MYO16: variants seen among roughly 807,000 people sequenced by gnomAD.
MYO16 encodes the protein myosin XVI, also known as unconventional myosin-XVI.
MYO16 carries 94 observed loss-of-function variants against 205.3 expected under a neutral mutation model. That is an observed-to-expected ratio of 0.46 (90% CI 0.39 to 0.54). The LOEUF is 0.54. Ranked by LOEUF, MYO16 falls within the 20% of genes least tolerant of loss-of-function variation. MYO16 has a pLI of 0.00. For missense variants in MYO16, 2,315 were observed against 2,387.5 expected, an observed-to-expected ratio of 0.97 and a Z score of 0.63; for synonymous variants, 988 against 954.0, an observed-to-expected ratio of 1.04 and a Z score of -0.66.
intron 28 of MYO16, among the ~76,000 whole-genome samples, chr13:109,103,459 CT>C (rs1303007928): frequency 1.3e-5 from 2 of 152,182 alleles, no homozygotes; most frequent in Admixed American, 6.5e-5. Flanking sequence ...AATGGTTACT[CT>C]TTTCCATATT....
chr13:108,551,938 C>T, the MYO16 span, among the ~76,000 whole-genome samples: 4 of 152,280 alleles, frequency 2.6e-5, no homozygotes, highest in South Asian at 4.1e-4. Flanking sequence ...GAATGAGTCA[C>T]TCTATCCACT....
At chr13:109,035,295 A>G (rs1271138841) in intron 23 of MYO16, among the ~76,000 whole-genome samples, 2 of 152,132 alleles carry the variant, frequency 1.3e-5, no homozygotes, top group Non-Finnish European at 2.9e-5. Context: ...GAGTATACTT[A>G]TAGTCCAATC....
Position 108,629,764 on chromosome 13 carries a change from G to A in MYO16, c.-81G>A. The A allele has an allele frequency of 7.5e-7, 1 of 1,334,222 alleles. No homozygotes were observed. The highest frequency in any genetic ancestry group is 1.0e-6 in the Non-Finnish European group (1 of 968,188). The allele number at this position is 1,334,222 out of a possible 1,614,324, so 82.6% of individuals were successfully genotyped here. On this transcript the variant is annotated 5_prime_UTR_variant, in exon 1 of 35. Coordinates refer to ENST00000457511, the MANE Select transcript of MYO16 (RefSeq NM_001198950.3). ...ACTGTTACCTGAGTAAGGGCTTTAA[G>A]TAATGCATTTCCTGGGAACGACAGT...
At chr13:108,922,646 G>A (rs4773010) in intron 16 of MYO16, among the ~76,000 whole-genome samples, 53,501 of 152,066 alleles carry the variant, frequency 0.35, 9,921 homozygotes, top group Admixed American at 0.45. Context: ...AGCCTATCAG[G>A]TTCAAACCAG....
intron 4 of MYO16, among the ~76,000 whole-genome samples, chr13:108,751,519 C>T (rs906811566): frequency 2.0e-5 from 3 of 152,158 alleles, no homozygotes; most frequent in Non-Finnish European, 4.4e-5. Context: ...GTAGCTTCTA[C>T]ATCCTCAGAG....
chr13:108,799,230 A>C (rs968869660), intron 6 of MYO16, among the ~76,000 whole-genome samples: 2 of 152,254 alleles, frequency 1.3e-5, no homozygotes, highest in African/African-American at 4.8e-5. Context: ...TATTATAATT[A>C]AAACTCTCAA....
intron 16 of MYO16, among the ~76,000 whole-genome samples, chr13:108,943,912 A>G (rs573310832): frequency 6.6e-6 from 1 of 152,196 alleles, no homozygotes; most frequent in Non-Finnish European, 1.5e-5. Context: ...AAAATATGTC[A>G]TTGATTCCAG....
intron 2 of MYO16, among the ~76,000 whole-genome samples, chr13:108,668,694 TG>T (rs1201211536): frequency 2.0e-5 from 3 of 152,140 alleles, no homozygotes; most frequent in Non-Finnish European, 4.4e-5. Context: ...TGTCCATCCT[TG>T]TATCTGACTG....
At chr13:108,797,741 A>C (rs1247989595) in intron 6 of MYO16, among the ~76,000 whole-genome samples, 1 of 152,222 alleles carries the variant, frequency 6.6e-6, no homozygotes, top group Non-Finnish European at 1.5e-5. Context: ...ATAGAAACGC[A>C]ATAGAGCCTT....
chr13:109,136,328 T>C (rs969940857), intron 31 of MYO16, among the ~76,000 whole-genome samples: 6 of 152,096 alleles, frequency 3.9e-5, no homozygotes, highest in Admixed American at 2.0e-4. Context: ...CTCCTGACCT[T>C]GTGATCTGCC....
At chr13:109,117,396 A>ACG (rs1875751185) in intron 28 of MYO16, among the ~76,000 whole-genome samples, 1 of 146,764 alleles carries the variant, frequency 6.8e-6, no homozygotes, top group Admixed American at 6.9e-5. Context: ...GTGTGTATAT[A>ACG]TGTATATATA....
At chr13:108,884,491 G>A (rs1418951130) in intron 13 of MYO16, among the ~76,000 whole-genome samples, 4 of 152,156 alleles carry the variant, frequency 2.6e-5, no homozygotes, top group Non-Finnish European at 5.9e-5. Context: ...CTGAGGCAGG[G>A]AATTCCACCC....
chr13:108,681,401 A>C (rs9583277), intron 2 of MYO16, among the ~76,000 whole-genome samples: 50,185 of 152,034 alleles, frequency 0.33, 8,400 homozygotes, highest in South Asian at 0.4. Flanking sequence ...ATTGCCTACT[A>C]TTCATTTCCA....
chr13:108,575,526 A>G, the MYO16 span, among the ~76,000 whole-genome samples: 47 of 152,256 alleles, frequency 3.1e-4, 3 homozygotes, highest in South Asian at 9.7e-3. Flanking sequence ...CAGTCCCACA[A>G]AAGCCCTTTG....
chr13:108,979,833 T>C (rs1005757287), intron 20 of MYO16, among the ~76,000 whole-genome samples: 5 of 152,096 alleles, frequency 3.3e-5, no homozygotes, highest in Admixed American at 1.3e-4. Context: ...TACCAAAGTA[T>C]CATACAGATT....
the MYO16 span, among the ~76,000 whole-genome samples, chr13:108,573,714 T>C: frequency 2.0e-5 from 3 of 152,226 alleles, no homozygotes; most frequent in Non-Finnish European, 2.9e-5. Context: ...TGTAGCAGCC[T>C]CTCAGACTTT....
rs139410482 is a variant in MYO16, at chr13:108,598,736, A to G, written c.-39+2497A>G. 4.5e-3 allele frequency among the ~76,000 whole-genome samples: 693 copies of G among 152,318 alleles called. 6 individuals are homozygous for G. The highest frequency in any genetic ancestry group is 0.016 in the African/African-American group (670 of 41,566). Reference sequence around the variant, plus strand: ...CCATTTTTATTCATTGGAACATAAAACTGCTTCAATTGATATCAAGTGCAA... The same window carrying G: ...CCATTTTTATTCATTGGAACATAAAGCTGCTTCAATTGATATCAAGTGCAA... On this transcript the variant is annotated intron_variant, in intron 1 of 24. Transcript: ENST00000251041.
intron 32 of MYO16, among the ~76,000 whole-genome samples, chr13:109,148,453 T>A (rs1877463320): frequency 6.6e-6 from 1 of 152,234 alleles, no homozygotes; most frequent in Non-Finnish European, 1.5e-5. Flanking sequence ...GCACAGGGAT[T>A]GCTACTGGAA....
intron 3 of MYO16, among the ~76,000 whole-genome samples, chr13:108,723,701 C>T (rs1884243673): frequency 6.6e-6 from 1 of 152,146 alleles, no homozygotes; most frequent in South Asian, 2.1e-4. Context: ...GCCAACACCA[C>T]ACTGCTTTGA....
Sources: allele counts gnomAD v4.1 joint callset (sites outside exome capture counted in the v4.1 genomes callset), GRCh38; gene constraint gnomAD v4.1.1; transcripts MANE v1.5; gene names NCBI Gene and HGNC (gene_info 2026-07-23, HGNC 2026-07-21).